Variants in DOCK3 observed in about 807,000 individuals in gnomAD.
DOCK3 encodes dedicator of cytokinesis protein 3.
Under a neutral mutation model 265.6 loss-of-function variants are expected in DOCK3, and 60 were observed. The observed-to-expected ratio is 0.23, with a 90% confidence interval of 0.18 to 0.28. The LOEUF (loss-of-function observed/expected upper bound fraction) is 0.28, where lower values mean the gene tolerates loss of function less well. Ranked by LOEUF, DOCK3 falls within the 10% of genes least tolerant of loss-of-function variation. The pLI is 1.00. For missense variants in DOCK3, 1,981 were observed against 2,594.3 expected (o/e 0.76, Z 5.14); for synonymous variants, 881 against 938.0 (o/e 0.94, Z 1.11).
At chr3:50,889,998 C>G in intron 3 of DOCK3, 28 bp from the exon 4 acceptor site, 1 of 1,387,766 alleles carries the variant, frequency 7.2e-7, no homozygotes, top group African/African-American at 1.5e-5. Flanking sequence ...TTTATTTTTT[C>G]TAACAGGAAA....
At chr3:50,787,227 A>C in intron 2 of DOCK3, 1 of 574,232 alleles carries the variant, frequency 1.7e-6, no homozygotes, top group Non-Finnish European at 3.2e-6. Context: ...AGTAATATTC[A>C]TTTGCTTCTC....
At chr3:50,903,284 A>C (rs898614175) in intron 4 of DOCK3, among the ~76,000 whole-genome samples, 2 of 152,062 alleles carry the variant, frequency 1.3e-5, no homozygotes, top group African/African-American at 4.8e-5. Flanking sequence ...CCTTTTCAAT[A>C]TGATATTGGT....
chr3:51,279,070 G>A (rs1226107894), intron 26 of DOCK3, among the ~76,000 whole-genome samples: 3 of 152,044 alleles, frequency 2.0e-5, no homozygotes, highest in Non-Finnish European at 2.9e-5. Flanking sequence ...CCAGCATGGC[G>A]AAACCCTGTC....
At position 50,895,048 on chromosome 3, in the gene DOCK3, T is replaced by C. The variant is rs575666343; in HGVS notation, c.218+4967T>C. Among the ~76,000 whole-genome samples the C allele has an allele frequency of 4.6e-5, 7 of 152,274 alleles. 1 individual carries two copies. The South Asian group carries it at 6.2e-4, about 14-fold the overall frequency. On this transcript the variant is annotated intron_variant, in intron 4 of 52. Coordinates refer to ENST00000266037, the MANE Select transcript of DOCK3 (RefSeq NM_004947.5). ...TTAAAGGTGTAATTTCTACCACTTC[T>C]TCTTCAATTAAAGGACATTTTAATG... is the stretch of plus-strand genomic sequence containing the variant.
At chr3:50,937,277 A>T (rs1054052874) in intron 5 of DOCK3, among the ~76,000 whole-genome samples, 2 of 7,278 alleles carry the variant, frequency 2.7e-4, no homozygotes, top group Admixed American at 1.8e-3. Flanking sequence ...AACTCCATCT[A>T]AAAAAAAAAA....
intron 27 of DOCK3, among the ~76,000 whole-genome samples, chr3:51,300,007 A>G (rs1449104475): frequency 6.6e-6 from 1 of 152,218 alleles, no homozygotes; most frequent in South Asian, 2.1e-4. Flanking sequence ...TTTGGGCAGT[A>G]TGGCCATTTT....
At chr3:51,375,524 G>A (rs1309082310) in intron 50 of DOCK3, among the ~76,000 whole-genome samples, 1 of 152,140 alleles carries the variant, frequency 6.6e-6, no homozygotes, top group Non-Finnish European at 1.5e-5. Context: ...ACTGGAGGAT[G>A]GTATTGCAAA....
intron 5 of DOCK3, among the ~76,000 whole-genome samples, chr3:51,025,047 C>T (rs1482724855): frequency 1.3e-5 from 2 of 152,060 alleles, no homozygotes; most frequent in Non-Finnish European, 2.9e-5. Flanking sequence ...CACCAGCTGC[C>T]GTAATAACAG....
intron 4 of DOCK3, among the ~76,000 whole-genome samples, chr3:50,928,605 A>G (rs975682284): frequency 6.6e-6 from 1 of 151,994 alleles, no homozygotes; most frequent in Non-Finnish European, 1.5e-5. Flanking sequence ...AGTTGATTCT[A>G]TTGCATATTA....
chr3:51,150,862 G>A (rs925514819), intron 10 of DOCK3, among the ~76,000 whole-genome samples: 3 of 152,280 alleles, frequency 2.0e-5, no homozygotes, highest in Non-Finnish European at 2.9e-5. Context: ...TCCACTTGGT[G>A]CAGAGCTGAG....
chr3:50,779,542 C>G (rs1336963206), intron 2 of DOCK3, among the ~76,000 whole-genome samples: 1 of 152,082 alleles, frequency 6.6e-6, no homozygotes, highest in Admixed American at 6.6e-5. Context: ...CACCACCACG[C>G]CCAGCTAATT....
intron 2 of DOCK3, among the ~76,000 whole-genome samples, chr3:50,807,687 A>G (rs924610913): frequency 8.5e-5 from 13 of 152,266 alleles, no homozygotes; most frequent in Admixed American, 2.0e-4. Flanking sequence ...TAAAATGTGC[A>G]GTAGAATCTG....
intron 12 of DOCK3, among the ~76,000 whole-genome samples, chr3:51,208,494 A>G (rs1414748369): frequency 6.6e-6 from 1 of 152,196 alleles, no homozygotes; most frequent in Non-Finnish European, 1.5e-5. Context: ...CGGGTGATAG[A>G]AAAGAAACAA....
intron 1 of DOCK3, among the ~76,000 whole-genome samples, chr3:50,692,461 G>A (rs2035320152): frequency 6.6e-6 from 1 of 152,144 alleles, no homozygotes; most frequent in Admixed American, 6.6e-5. Context: ...ACTCCTATGA[G>A]AATCTAATGC....
At chr3:50,838,761 T>C (rs961976495) in intron 2 of DOCK3, among the ~76,000 whole-genome samples, 4 of 152,238 alleles carry the variant, frequency 2.6e-5, no homozygotes, top group Non-Finnish European at 5.9e-5. Context: ...ATTTTAGTTG[T>C]TTCTTTGAGA....
intron 2 of DOCK3, chr3:50,788,263 C>T (rs976752429): frequency 4.6e-5 from 28 of 607,718 alleles, no homozygotes; most frequent in African/African-American, 4.0e-4. Flanking sequence ...CAGCTCCTGA[C>T]GAGAAGTGGC....
intron 5 of DOCK3, among the ~76,000 whole-genome samples, chr3:51,050,547 T>G (rs72943166): frequency 6.6e-6 from 1 of 152,066 alleles, no homozygotes; most frequent in African/African-American, 2.4e-5. Context: ...CCCACACTTA[T>G]AGAGGGCAAG....
rs114051500 is a variant in DOCK3 at position 50,720,807 on chromosome 3, C to T, written c.37+45507C>T. 4.9e-3 allele frequency among the ~76,000 whole-genome samples: 745 copies of T among 152,338 alleles called. 9 individuals are homozygous for T. The highest frequency in any genetic ancestry group is 0.017 in the African/African-American group (700 of 41,580). On this transcript the variant is annotated intron_variant, in intron 1 of 52. Coordinates refer to ENST00000266037, the MANE Select transcript of DOCK3 (RefSeq NM_004947.5). ...CTTCCACAATGGCTGAACCAATTTACATTTCCACCAGCAGTGTATAAGCGT... is the reference window on the plus strand; with the variant it reads ...CTTCCACAATGGCTGAACCAATTTATATTTCCACCAGCAGTGTATAAGCGT...
intron 6 of DOCK3, among the ~76,000 whole-genome samples, 193 bp downstream of exon 6, chr3:51,064,789 C>A (rs1204744333): frequency 6.6e-6 from 1 of 152,176 alleles, no homozygotes; most frequent in Non-Finnish European, 1.5e-5. Flanking sequence ...GTTCTAGTTG[C>A]TGAACCTCTT....
Sources: gnomAD v4.1 joint callset for allele counts (sites outside exome capture counted in the v4.1 genomes callset) on GRCh38, gnomAD v4.1.1 for gene constraint, MANE v1.5 for transcripts, NCBI Gene and HGNC (gene_info 2026-07-23, HGNC 2026-07-21) for gene names.